IGSF11: variants seen among roughly 807,000 people sequenced by gnomAD.
IGSF11 encodes the protein CXADR like 1.
In IGSF11, 22 loss-of-function variants were observed where a neutral mutation model predicts 41.0. That is an observed-to-expected ratio of 0.54 (90% CI 0.38 to 0.77). IGSF11 has a LOEUF of 0.77. IGSF11 is among the 30% of genes least tolerant of loss of function. The pLI is 0.00. For missense variants in IGSF11, 444 were observed against 530.8 expected (o/e 0.84, Z 1.61); for synonymous variants, 219 against 201.3 (o/e 1.09, Z -0.74).
At chr3:118,965,331 G>A (rs967798593) in intron 1 of IGSF11, among the ~76,000 whole-genome samples, 6 of 151,986 alleles carry the variant, frequency 3.9e-5, no homozygotes, top group African/African-American at 1.4e-4. Context: ...CTAAATGTGT[G>A]AGCTATAAGG....
chr3:118,992,637 A>C (rs139931868), intron 1 of IGSF11, among the ~76,000 whole-genome samples: 91 of 152,322 alleles, frequency 6.0e-4, no homozygotes, highest in African/African-American at 2.1e-3. Context: ...GCGACTATAG[A>C]AGTTTGCAGG....
chr3:118,964,504 C>T (rs1017206255), intron 1 of IGSF11, among the ~76,000 whole-genome samples: 1 of 152,024 alleles, frequency 6.6e-6, no homozygotes, highest in African/African-American at 2.4e-5. Context: ...ACAGCAAATA[C>T]ACAAATTATT....
In IGSF11 at chr3:119,005,292, C is replaced by T. The variant is rs1158058943; in HGVS notation, c.52+29239G>A. 1.6e-4 allele frequency among the ~76,000 whole-genome samples: 24 copies of T among 147,354 alleles called. No individual in the cohort carries two copies. The East Asian group carries it at 4.4e-3, about 27-fold the overall frequency. On this transcript the variant is annotated intron_variant, in intron 1 of 6. Transcript: ENST00000393775. ...CAGAGACTAGGATTGCAACCCCTGC[C>T]TTTTTTTGTTTTCCATTTGCTTGGT...
At chr3:119,113,646 T>C (rs1184696494) in intron 1 of IGSF11, among the ~76,000 whole-genome samples, 1 of 152,188 alleles carries the variant, frequency 6.6e-6, no homozygotes, top group Non-Finnish European at 1.5e-5. Context: ...CTGCAGCTTT[T>C]CTAGGCACAT....
chr3:118,941,136 A>C (rs1471925419), intron 1 of IGSF11, among the ~76,000 whole-genome samples: 1 of 152,078 alleles, frequency 6.6e-6, no homozygotes, highest in Non-Finnish European at 1.5e-5. Context: ...TGTTTTGATA[A>C]TAAAACAATA....
At chr3:119,136,932 C>T (rs2077571235) in intron 1 of IGSF11, among the ~76,000 whole-genome samples, 1 of 151,946 alleles carries the variant, frequency 6.6e-6, no homozygotes, top group Non-Finnish European at 1.5e-5. Flanking sequence ...TTCTATGTGC[C>T]AACAGCAAGC....
intron 1 of IGSF11, among the ~76,000 whole-genome samples, chr3:118,988,756 GGCACTACGAGTTCTATTCTC>G (rs1935501893): frequency 6.6e-6 from 1 of 152,100 alleles, no homozygotes; most frequent in East Asian, 1.9e-4. Context: ...TTGCTTCAAT[GGCACTACGAGTTCTATTCTC>G]CTCTCCTACA....
chr3:119,074,864 A>G, intron 1 of IGSF11, among the ~76,000 whole-genome samples: 1 of 152,130 alleles, frequency 6.6e-6, no homozygotes, highest in Non-Finnish European at 1.5e-5. Context: ...AAAAATAAAT[A>G]AAATAAACAA....
rs537450229 is a variant in IGSF11, at chr3:119,132,438, A to G, written c.-14+13375T>C. ...GGTTGCGATCCTAGTCTCTGATAAC[A>G]CAGACTTTAAACCAACAAAGATGAA... On this transcript the variant is annotated intron_variant, in intron 1 of 7. Transcript: ENST00000425327. Among the ~76,000 whole-genome samples the G allele has an allele frequency of 9.3e-5, 14 of 150,970 alleles. No individual in the cohort carries two copies. The South Asian group carries it at 2.9e-3, about 32-fold the overall frequency.
At chr3:119,032,231 T>C (rs1245143164) in intron 1 of IGSF11, among the ~76,000 whole-genome samples, 2 of 152,190 alleles carry the variant, frequency 1.3e-5, no homozygotes, top group Non-Finnish European at 2.9e-5. Flanking sequence ...CCTTTACCCC[T>C]TTGTAATGGA....
chr3:118,923,517 C>T (rs1576377693), intron 4 of IGSF11, among the ~76,000 whole-genome samples: 1 of 152,102 alleles, frequency 6.6e-6, no homozygotes, highest in East Asian at 1.9e-4. Context: ...TCAACCATGT[C>T]CTTTATAGCT....
At chr3:118,976,534 C>T (rs1328707354) in intron 1 of IGSF11, among the ~76,000 whole-genome samples, 1 of 152,150 alleles carries the variant, frequency 6.6e-6, no homozygotes. Flanking sequence ...ATCTGGGGTT[C>T]CAAGGAAGTT....
chr3:119,132,253 T>C (rs1576835686), intron 1 of IGSF11, among the ~76,000 whole-genome samples: 1 of 151,956 alleles, frequency 6.6e-6, no homozygotes, highest in East Asian at 1.9e-4. Context: ...AGACACAGAC[T>C]GGCAAATTGG....
rs540879187 is a variant in IGSF11 at position 118,906,199 on chromosome 3, G to C, written c.581-481C>G. Reference sequence around the variant, plus strand: ...ACAACAATTACAGTTGTTTGTGTTAGCTCAGATCCTCCAAGAAGCAGACAC... The same window carrying C: ...ACAACAATTACAGTTGTTTGTGTTACCTCAGATCCTCCAAGAAGCAGACAC... On this transcript the variant is annotated intron_variant, in intron 4 of 6. Coordinates refer to ENST00000393775, the MANE Select transcript of IGSF11 (RefSeq NM_001015887.3). Among the ~76,000 whole-genome samples, 12 of 152,324 alleles carry C rather than the reference G, an allele frequency of 7.9e-5. No homozygotes were observed. In the South Asian group the frequency reaches 2.5e-3, roughly 32 times the overall value.
chr3:118,932,179 G>GCTCCTCCCT (rs1942917208), intron 1 of IGSF11, among the ~76,000 whole-genome samples: 1 of 152,124 alleles, frequency 6.6e-6, no homozygotes, highest in East Asian at 1.9e-4. Context: ...TTCTGCAAAG[G>GCTCCTCCCT]CTCCTCCCTG....
intron 1 of IGSF11, among the ~76,000 whole-genome samples, chr3:119,042,099 T>A (rs532103715): frequency 1.3e-5 from 2 of 152,312 alleles, no homozygotes; most frequent in Admixed American, 6.5e-5. Context: ...GAGAGTAATG[T>A]TTAATATTTA....
chr3:119,145,108 C>G (rs1356592813), intron 1 of IGSF11, among the ~76,000 whole-genome samples: 1 of 152,146 alleles, frequency 6.6e-6, no homozygotes, highest in Non-Finnish European at 1.5e-5. Flanking sequence ...GCTTAGATTC[C>G]CCTTTCCATT....
intron 1 of IGSF11, among the ~76,000 whole-genome samples, chr3:119,008,013 T>C (rs1386153385): frequency 6.6e-6 from 1 of 152,078 alleles, no homozygotes; most frequent in African/African-American, 2.4e-5. Flanking sequence ...GAAAGCAACT[T>C]CCATGTTAAT....
intron 1 of IGSF11, among the ~76,000 whole-genome samples, chr3:119,118,226 G>C (rs997881092): frequency 6.6e-6 from 1 of 152,206 alleles, no homozygotes; most frequent in East Asian, 1.9e-4. Context: ...CCTAGCAAAG[G>C]TTCTCCAAGA....
Sources: gnomAD v4.1 joint callset for allele counts (sites outside exome capture counted in the v4.1 genomes callset) on GRCh38, gnomAD v4.1.1 for gene constraint, MANE v1.5 for transcripts, NCBI Gene and HGNC (gene_info 2026-07-23, HGNC 2026-07-21) for gene names.